ALPK3: variants seen among roughly 807,000 people sequenced by gnomAD.
ALPK3 encodes the protein alpha kinase 3, also known as alpha-protein kinase 3.
Under a neutral mutation model 140.0 loss-of-function variants are expected in ALPK3, and 102 were observed. The ratio of observed to expected loss-of-function variants is 0.73; its 90% CI spans 0.62 to 0.86. The LOEUF (loss-of-function observed/expected upper bound fraction) is 0.86. Ranked by LOEUF, ALPK3 falls within the 40% of genes least tolerant of loss-of-function variation. ALPK3 has a pLI of 0.00. For missense variants in ALPK3, 2,254 were observed against 2,208.2 expected, an observed-to-expected ratio of 1.02 and a Z score of -0.42; for synonymous variants, 938 against 898.5, an observed-to-expected ratio of 1.04 and a Z score of -0.79.
chr15:84,817,822 G>C (rs1210970749), intron 1 of ALPK3, among the ~76,000 whole-genome samples: 3 of 152,192 alleles, frequency 2.0e-5, no homozygotes, highest in African/African-American at 7.2e-5. Context: ...CGAGGCTCAA[G>C]AGAGGACAAA....
rs371723386 is a variant in ALPK3 at position 84,858,314 on chromosome 15, C to T, written c.3576C>T (p.Ser1192=). The T allele has an allele frequency of 3.8e-6, 6 of 1,564,380 alleles. No homozygotes were observed. The African/African-American group carries it at 6.8e-5, about 18-fold the overall frequency. The change falls in exon 6 of 14, where the codon TCC becomes TCT. Residue 1192 remains serine, a synonymous_variant. Coordinates refer to ENST00000258888, the MANE Select transcript of ALPK3 (RefSeq NM_020778.5). ...AAGAAAGGGAGAGCCCCACGGTTTC[C>T]CCCCGGGGGCCCAGGAAAAGCCTGG... ...TPEERESPTV[S]PRGPRKSLVP...
In ALPK3 at chr15:84,864,551, T is replaced by G; in HGVS notation, c.4609T>G (p.Cys1537Gly). ...LESYCSREWG[C>G]AEAPTASGSS... ...GTCTTACTGTTCTCGGGAATGGGGC[T>G]GTGCTGAGGCTCCGACAGCATCTGG... Residue 1537 changes from cysteine (C) to glycine (G), a missense_variant, in exon 12 of 14, where the codon TGT (cysteine) becomes GGT (glycine). Cys to Gly is a radical substitution (Grantham distance 159). Around this residue, in one of 3 missense-constraint regions of ALPK3, gnomAD observed 2,088 missense variants for 2,022.9 expected, o/e 1.03. Transcript: ENST00000258888. 6.2e-7 allele frequency: 1 copy of G among 1,614,240 alleles called. No homozygotes were observed. Among genetic ancestry groups the G allele is most frequent in the Non-Finnish European group, 8.5e-7 (1 of 1,180,038 alleles).
intron 5 of ALPK3, among the ~76,000 whole-genome samples, chr15:84,849,918 C>T (rs991656930): frequency 6.9e-6 from 1 of 145,166 alleles, no homozygotes. Context: ...AAACCAAAAA[C>T]AGGAAAATTA....
At position 84,863,643 on chromosome 15, in the gene ALPK3, A is replaced by G. The variant is rs1163287230; in HGVS notation, c.4499+3A>G. ...CCTGGCTTTGGGGAGGTGCCTGAGT[A>G]AGTACGCAGCGAGGAGGACGTGCAG... is the stretch of plus-strand genomic sequence containing the variant. On this transcript the variant is annotated splice_donor_region_variant and intron_variant, in intron 11 of 13. Coordinates refer to ENST00000258888, the MANE Select transcript of ALPK3 (RefSeq NM_020778.5). 3 of 1,613,560 alleles carry G rather than the reference A, an allele frequency of 1.9e-6. No homozygotes were observed. The highest frequency in any genetic ancestry group is 2.7e-5 in the African/African-American group (2 of 74,892).
rs1183488141 is a variant in ALPK3 at position 84,864,393 on chromosome 15, G to T, written c.4500-49G>T. 3.2e-6 allele frequency: 5 copies of T among 1,563,094 alleles called. No homozygotes were observed. In the African/African-American group the frequency reaches 5.4e-5, roughly 17 times the overall value. ...ATACAGAATTGGGTGGGAGGGAGGA[G>T]CTCTCTGGGCCATACTTCCTGCTTA... is the stretch of plus-strand genomic sequence containing the variant. On this transcript the variant is annotated intron_variant, in intron 11 of 13. Coordinates refer to ENST00000258888, the MANE Select transcript of ALPK3 (RefSeq NM_020778.5).
intron 3 of ALPK3, among the ~76,000 whole-genome samples, chr15:84,838,063 C>T (rs1596149002): frequency 6.6e-6 from 1 of 152,102 alleles, no homozygotes; most frequent in Non-Finnish European, 1.5e-5. Context: ...CTGGAAGTGC[C>T]CAGAGAAGGG....
chr15:84,840,362 G>A lies in ALPK3; in HGVS notation c.1083G>A (p.Val361=). Residue 361 remains valine, a synonymous_variant, in exon 5 of 14, where the codon GTG becomes GTA. Coordinates refer to ENST00000258888, the MANE Select transcript of ALPK3 (RefSeq NM_020778.5). The part of the protein sequence containing the change: ...EPDSCGTQGP[V]GVEQVQTQPR... The stretch of plus-strand genomic sequence containing the variant: ...ACTCCTGTGGGACTCAGGGGCCCGT[G>A]GGCGTGGAGCAGGTTCAGACCCAGC... 6.2e-7 allele frequency: 1 copy of A among 1,613,550 alleles called. No homozygotes were observed. The highest frequency in any genetic ancestry group is 8.5e-7 in the Non-Finnish European group (1 of 1,179,784).
In ALPK3 at chr15:84,867,374, T is replaced by A. The variant is rs759499604; in HGVS notation, c.4772+9T>A. 1 of 1,613,886 alleles carries A rather than the reference T, an allele frequency of 6.2e-7. No homozygotes were observed. Among genetic ancestry groups the A allele is most frequent in the Non-Finnish European group, 8.5e-7 (1 of 1,179,900 alleles). ...GCTACCAAACTCCGAGGGTGAGTGGTTCTTGGGGACAGAATGCCCTCTGGG... is the reference window on the plus strand; with the variant it reads ...GCTACCAAACTCCGAGGGTGAGTGGATCTTGGGGACAGAATGCCCTCTGGG... On this transcript the variant is annotated intron_variant, in intron 13 of 13. Coordinates refer to ENST00000258888, the MANE Select transcript of ALPK3 (RefSeq NM_020778.5).
At chr15:84,850,038 G>A (rs1596152948) in intron 5 of ALPK3, among the ~76,000 whole-genome samples, 1 of 141,904 alleles carries the variant, frequency 7.0e-6, no homozygotes. Flanking sequence ...CAAGTATTAA[G>A]AATGAAAGAG....
At chr15:84,860,649 AT>A (rs1354945642) in intron 9 of ALPK3, among the ~76,000 whole-genome samples, 1 of 152,230 alleles carries the variant, frequency 6.6e-6, no homozygotes, top group Non-Finnish European at 1.5e-5. Context: ...TGATAAAAAG[AT>A]GTTTGGAGCT....
At chr15:84,865,494 A>G (rs1412534208) in intron 12 of ALPK3, among the ~76,000 whole-genome samples, 2 of 152,162 alleles carry the variant, frequency 1.3e-5, no homozygotes, top group Non-Finnish European at 2.9e-5. Context: ...TTAAGCCATT[A>G]TCAGTCAACC....
intron 2 of ALPK3, among the ~76,000 whole-genome samples, chr15:84,827,197 G>A (rs1219611392): frequency 6.6e-6 from 1 of 152,212 alleles, no homozygotes; most frequent in Non-Finnish European, 1.5e-5. Flanking sequence ...ACAATGATGG[G>A]ATGGGACACC....
In ALPK3 at chr15:84,858,024, T is replaced by TG; in HGVS notation, c.3286_3287insG (p.Ser1096CysfsTer3). 1.3e-6 allele frequency: 2 copies of TG among 1,582,196 alleles called. No individual in the cohort carries two copies. Among genetic ancestry groups the TG allele is most frequent in the Non-Finnish European group, 1.7e-6 (2 of 1,165,276 alleles). ...AGCCAGTGAGGGTGAAGGAGAGGTT[T>TG]CCCCTGAGGGGCCTGGCCTCCTGGG... On this transcript the variant is annotated frameshift_variant, in exon 6 of 14. Transcript: ENST00000258888. LOFTEE classifies it high-confidence loss of function.
chr15:84,858,000 G>A lies in ALPK3; in HGVS notation c.3262G>A (p.Ala1088Thr), dbSNP rs749533476. The A allele has an allele frequency of 1.3e-6, 2 of 1,596,918 alleles. No individual in the cohort carries two copies. The highest frequency in any genetic ancestry group is 4.5e-5 in the East Asian group (2 of 44,586). ...GGACCCTGGGCTGGCCTCAGAAGGA[G>A]CCAGTGAGGGTGAAGGAGAGGTTTC... ...EEDPGLASEG[A>T]SEGEGEVSPE... The change falls in exon 6 of 14, where the codon GCC becomes ACC. Residue 1088 changes from alanine (A) to threonine (T), a missense_variant. Ala to Thr is a moderately conservative substitution (Grantham distance 58). Around this residue, in one of 3 missense-constraint regions of ALPK3, gnomAD observed 2,088 missense variants for 2,022.9 expected, o/e 1.03. Coordinates refer to ENST00000258888, the MANE Select transcript of ALPK3 (RefSeq NM_020778.5).
intron 12 of ALPK3, among the ~76,000 whole-genome samples, chr15:84,864,892 A>C (rs1963986814): frequency 6.6e-6 from 1 of 152,218 alleles, no homozygotes; most frequent in Non-Finnish European, 1.5e-5. Flanking sequence ...CATTTAAAGG[A>C]GCACAGTCCA....
chr15:84,850,218 G>A (rs888037851), intron 5 of ALPK3, among the ~76,000 whole-genome samples: 2 of 152,100 alleles, frequency 1.3e-5, no homozygotes, highest in Non-Finnish European at 2.9e-5. Flanking sequence ...CCCTGTTAAG[G>A]TCCTGGTTTT....
intron 2 of ALPK3, among the ~76,000 whole-genome samples, chr15:84,826,422 C>G (rs1963489875): frequency 6.6e-6 from 1 of 152,144 alleles, no homozygotes; most frequent in Admixed American, 6.5e-5. Context: ...CCTTTGCCCC[C>G]TCACAGTCCT....
chr15:84,859,575 G>C (rs1963916613), intron 7 of ALPK3, among the ~76,000 whole-genome samples, 185 bp downstream of exon 7: 2 of 152,204 alleles, frequency 1.3e-5, no homozygotes, highest in African/African-American at 4.8e-5. Flanking sequence ...CTTGTCCAAA[G>C]CCACACAGCT....
Position 84,858,379 on chromosome 15 carries a change from C to G in ALPK3, c.3641C>G (p.Ser1214Cys). The change falls in exon 6 of 14, where the codon TCC becomes TGC. Residue 1214 changes from serine to cysteine, a missense_variant. By Grantham distance (112) the Ser-to-Cys change is moderately radical. Transcript: ENST00000258888. ...GGGACTCCAGGGCGGGAGAGACGCT[C>G]CCCTACGCAGGGCAGAAAGGCGAGC... ...SPGTPGRERR[S>C]PTQGRKASML... 14 of 1,554,114 alleles carry G rather than the reference C, an allele frequency of 9.0e-6. No individual in the cohort carries two copies. The highest frequency in any genetic ancestry group is 1.2e-5 in the Non-Finnish European group (14 of 1,150,496).
Sources: gnomAD v4.1 joint callset for allele counts (sites outside exome capture counted in the v4.1 genomes callset) on GRCh38, gnomAD v4.1.1 for gene constraint, gnomAD v4.1.1 regional missense constraint, MANE v1.5 for transcripts, NCBI Gene and HGNC (gene_info 2026-07-23, HGNC 2026-07-21) for gene names.